MAP7D3: variants seen among roughly 807,000 people sequenced by gnomAD.
MAP7D3 encodes MAP7 domain-containing protein 3.
MAP7D3 carries 45 observed loss-of-function variants against 62.2 expected under a neutral mutation model. The observed-to-expected ratio is 0.72, with a 90% CI of 0.57 to 0.93. MAP7D3 has a LOEUF of 0.93. Among genes scored for constraint, MAP7D3 ranks in the 40% least tolerant of loss-of-function variants. MAP7D3 has a pLI of 0.00. For synonymous variants in MAP7D3, 288 were observed against 248.8 expected, an observed-to-expected ratio of 1.16 and a Z score of -1.48; for missense variants, 711 against 683.1, an observed-to-expected ratio of 1.04 and a Z score of -0.45.
chrX:136,244,825 G>C, intron 3 of MAP7D3, 30 bp from the exon 4 acceptor site: 1 of 1,099,908 alleles, frequency 9.1e-7, no homozygotes, highest in African/African-American at 1.8e-5. Context: ...TTTTCAAGGT[G>C]TAAGAGCCAA....
chrX:136,240,069 C>T (rs919959002), intron 6 of MAP7D3, among the ~76,000 whole-genome samples: 3 of 110,229 alleles, frequency 2.7e-5, no homozygotes, highest in Non-Finnish European at 5.7e-5. Context: ...GTTAGCTGGG[C>T]GTGGTGATGC....
intron 12 of MAP7D3, 62 bp downstream of exon 12, chrX:136,227,222 G>C: frequency 9.4e-7 from 1 of 1,066,987 alleles, no homozygotes; most frequent in Non-Finnish European, 1.3e-6. Flanking sequence ...TTTTTGCTCT[G>C]GGTTCCATCT....
chrX:136,254,542 G>A (rs1449131321), upstream of MAP7D3, among the ~76,000 whole-genome samples: 2 of 111,876 alleles, frequency 1.8e-5, no homozygotes, highest in East Asian at 2.8e-4. Context: ...GGGTGTAGGA[G>A]GAAGAGGGGA....
chrX:136,249,733 A>G (rs2074484665), intron 1 of MAP7D3, among the ~76,000 whole-genome samples: 1 of 112,164 alleles, frequency 8.9e-6, no homozygotes, highest in Non-Finnish European at 1.9e-5. Context: ...TGACCCCTTC[A>G]GGAAAACGCT....
chrX:136,230,891 AT>A lies in MAP7D3; in HGVS notation c.1488del (p.Lys496AsnfsTer47), dbSNP rs763572273. On this transcript the variant is annotated frameshift_variant, in exon 9 of 19. Coordinates refer to ENST00000316077, the MANE Select transcript of MAP7D3 (RefSeq NM_024597.4). LOFTEE classifies it high-confidence loss of function. ...KRLSSYTECY[K>X]WSSSPENACG... ...CAAGCATTTTCAGGAGATGATGACC[AT>A]TTATAACACTCAGTGTATGATGATA... 2 of 1,199,851 alleles carry A rather than the reference AT, an allele frequency of 1.7e-6. No individual in the cohort carries two copies.
Position 136,244,669 on chromosome X carries a change from G to A in MAP7D3, c.380C>T (p.Ala127Val). ...KEKEEQRRIAAEEKRHQKDEA... is the reference protein window; with the variant it reads ...KEKEEQRRIAVEEKRHQKDEA... ...ATCCTTCTGGTGTCTTTTTTCTTCT[G>A]CAGCTATTCTCCGTTGTTCTTCTTT... The change falls in exon 4 of 19, where the codon GCA (alanine) becomes GTA (valine). Residue 127 changes from alanine to valine, a missense_variant. Coordinates refer to ENST00000316077, the MANE Select transcript of MAP7D3 (RefSeq NM_024597.4). The A allele has an allele frequency of 1.7e-6, 2 of 1,209,609 alleles. No homozygotes were observed.
At chrX:136,216,355 T>A (rs1603275702), downstream of MAP7D3, among the ~76,000 whole-genome samples, 1 of 27,894 alleles carries the variant, frequency 3.6e-5, no homozygotes, top group Non-Finnish European at 5.9e-5. Flanking sequence ...CAAGACCCTA[T>A]CTCTAAAAAA....
intron 4 of MAP7D3, among the ~76,000 whole-genome samples, chrX:136,243,939 A>G (rs1357808803): frequency 9.0e-6 from 1 of 111,558 alleles, no homozygotes; most frequent in African/African-American, 3.3e-5. Flanking sequence ...TGAAAAAGAG[A>G]GGGCATAACA....
intron 4 of MAP7D3, among the ~76,000 whole-genome samples, chrX:136,242,907 A>C (rs774017602): frequency 7.1e-5 from 8 of 112,354 alleles, no homozygotes; most frequent in Non-Finnish European, 1.5e-4. Context: ...AAGATGATGG[A>C]AAGTGACAGA....
rs975893134 is a variant in MAP7D3 at position 136,220,827 on chromosome X, G to A, written c.2424C>T (p.Gly808=). The change falls in exon 16 of 19, where the codon GGC becomes GGT. Residue 808 remains glycine (G), a synonymous_variant. Transcript: ENST00000316077. ...VRKEPKTYFN[G]DLKNFRQKSM... is the part of the protein sequence containing the mutation. The stretch of plus-strand genomic sequence containing the variant: ...TTTTTTGTCTGAAGTTTTTCAAATC[G>A]CCATTAAAATATGTTTTTGGCTCTT... 2.5e-6 allele frequency: 3 copies of A among 1,208,331 alleles called. No individual in the cohort carries two copies. The highest frequency in any genetic ancestry group is 1.8e-5 in the South Asian group (1 of 56,735).
At chrX:136,251,704 C>G, upstream of MAP7D3, 1 of 199,009 alleles carries the variant, frequency 5.0e-6, no homozygotes, top group Non-Finnish European at 7.7e-6. Context: ...CAGTAACATT[C>G]CTTCCTCATT....
rs2074069745 is a variant in MAP7D3 at position 136,216,968 on chromosome X, T to C, written c.*1558A>G. ...TGAAAGAGCTAGTATATAAAAATAG[T>C]TTTTAAACCAAAGGTAACCTTCTCT... On this transcript the variant is annotated 3_prime_UTR_variant, in exon 19 of 19. Coordinates refer to ENST00000316077, the MANE Select transcript of MAP7D3 (RefSeq NM_024597.4). 1 of 112,059 alleles carries C rather than the reference T, an allele frequency of 8.9e-6. No individual in the cohort carries two copies. Among genetic ancestry groups the C allele is most frequent in the Admixed American group, 9.5e-5 (1 of 10,540 alleles). 9.2% of individuals were successfully genotyped at this position (112,059 alleles called of 1,213,427 possible).
rs964134858 is a variant in MAP7D3, at chrX:136,236,117, A to AT, written c.736+126dup. 3 of 443,738 alleles carry AT rather than the reference A, an allele frequency of 6.8e-6. No individual in the cohort carries two copies. The African/African-American group carries it at 7.4e-5, about 11-fold the overall frequency. The allele number at this position is 443,738 out of a possible 1,213,427, so 36.6% of individuals were successfully genotyped here. On this transcript the variant is annotated intron_variant, in intron 7 of 18. Coordinates refer to ENST00000316077, the MANE Select transcript of MAP7D3 (RefSeq NM_024597.4). ...CCAAATAAGCATGGCACCAAAGCAC[A>AT]TTTTTTCAGTCTAAGAAGGAATATT... is the stretch of plus-strand genomic sequence containing the variant.
upstream of MAP7D3, among the ~76,000 whole-genome samples, chrX:136,254,753 T>G (rs1198399796): frequency 8.9e-6 from 1 of 111,850 alleles, no homozygotes; most frequent in African/African-American, 3.3e-5. Flanking sequence ...TAACCACGTC[T>G]TAATTCCAGC....
chrX:136,251,818 G>C (rs778118322), upstream of MAP7D3, among the ~76,000 whole-genome samples: 4 of 111,561 alleles, frequency 3.6e-5, no homozygotes, highest in Admixed American at 9.5e-5. Flanking sequence ...CCAAGTTGGG[G>C]GAAGAAGCCT....
rs753675398 is a variant in MAP7D3, at chrX:136,246,073, TG to T, written c.244del (p.Gln82SerfsTer32). ...AAAGGTCTAAAATATACCGTCTTGC[TG>T]TCTCCTTTTCTCCTCTCTGCGCTCT... ...ARERREEKRR[Q>X]QDANKETQLL... On this transcript the variant is annotated frameshift_variant, in exon 3 of 19. Transcript: ENST00000316077. LOFTEE classifies it high-confidence loss of function. 1 of 1,192,129 alleles carries T rather than the reference TG, an allele frequency of 8.4e-7. No homozygotes were observed. Among genetic ancestry groups the T allele is most frequent in the South Asian group, 1.8e-5 (1 of 54,946 alleles).
intron 13 of MAP7D3, 80 bp from the exon 14 acceptor site, chrX:136,224,960 C>T (rs1457777588): frequency 3.1e-6 from 2 of 654,812 alleles, no homozygotes; most frequent in East Asian, 6.9e-5. Flanking sequence ...TGATTATCCC[C>T]ATTTCACAGA....
chrX:136,233,233 T>C (rs896453018), intron 7 of MAP7D3, among the ~76,000 whole-genome samples: 1 of 110,360 alleles, frequency 9.1e-6, no homozygotes, highest in Non-Finnish European at 1.9e-5. Context: ...GGGGATTAGA[T>C]TAAAAACATC....
intron 7 of MAP7D3, among the ~76,000 whole-genome samples, chrX:136,233,635 T>TAA (rs151267120): frequency 0.017 from 521 of 30,603 alleles, 21 homozygotes; most frequent in African/African-American, 0.065. Context: ...TAAATTAAAC[T>TAA]AAAAAAAAAA....
Sources: gnomAD v4.1 joint callset for allele counts (sites outside exome capture counted in the v4.1 genomes callset) on GRCh38, gnomAD v4.1.1 for gene constraint, MANE v1.5 for transcripts, NCBI Gene and HGNC (gene_info 2026-07-23, HGNC 2026-07-21) for gene names.